CRYL1: variants seen among roughly 807,000 people sequenced by gnomAD.
CRYL1 encodes lambda-crystallin homolog.
In CRYL1, 29 loss-of-function variants were observed where a neutral mutation model predicts 36.6. That is an observed-to-expected ratio of 0.79 (90% CI 0.59 to 1.08). The LOEUF is 1.08. CRYL1 is among the 50% of genes least tolerant of loss of function. The pLI is 0.00. For synonymous variants in CRYL1, 152 were observed against 151.5 expected (o/e 1.00, Z -0.02); for missense variants, 411 against 407.9 (o/e 1.01, Z -0.06).
At chr13:20,502,650 G>A (rs191516918) in intron 2 of CRYL1, among the ~76,000 whole-genome samples, 145 of 151,302 alleles carry the variant, frequency 9.6e-4, no homozygotes, top group Admixed American at 1.3e-3. Flanking sequence ...GCGAGACTCC[G>A]TCTCAAAAAA....
intron 5 of CRYL1, chr13:20,431,280 G>A (rs2032053475): frequency 1.0e-6 from 1 of 985,476 alleles, no homozygotes; most frequent in African/African-American, 1.7e-5. Flanking sequence ...GGAGCCAGGT[G>A]CAGATGACTC....
At chr13:20,404,800 T>C in intron 6 of CRYL1, 59 bp from the exon 7 acceptor site, 1 of 1,205,724 alleles carries the variant, frequency 8.3e-7, no homozygotes, top group East Asian at 2.3e-5. Context: ...TTAGTTATAT[T>C]CAAACTCAGA....
chr13:20,504,302 CT>C (rs757657892), intron 2 of CRYL1, among the ~76,000 whole-genome samples: 1,297 of 128,458 alleles, frequency 0.01, 6 homozygotes, highest in African/African-American at 0.033. Context: ...CTTTTCTTTT[CT>C]TTTTTTTTTT....
intron 3 of CRYL1, among the ~76,000 whole-genome samples, chr13:20,448,549 T>C (rs1445494432): frequency 2.6e-5 from 4 of 152,092 alleles, no homozygotes; most frequent in African/African-American, 4.8e-5. Context: ...AAGAGAAATA[T>C]TGAAAGCAGT....
chr13:20,404,573 G>T, intron 7 of CRYL1, 62 bp downstream of exon 7: 1 of 1,075,340 alleles, frequency 9.3e-7, no homozygotes, highest in Non-Finnish European at 1.4e-6. Context: ...GAGGTGAGGG[G>T]CAGCAAGTGC....
intron 1 of CRYL1, among the ~76,000 whole-genome samples, chr13:20,524,632 C>G (rs561850413): frequency 6.6e-6 from 1 of 152,276 alleles, no homozygotes; most frequent in Admixed American, 6.5e-5. Flanking sequence ...CTGCCTCGGC[C>G]TCCCAACGTG....
chr13:20,462,663 G>A lies in CRYL1; in HGVS notation c.277-22909C>T, dbSNP rs150094834. On this transcript the variant is annotated intron_variant, in intron 3 of 7. Transcript: ENST00000298248. ...ACTGCCTAAATGTAAAGCTCTCATC[G>A]GAAGGGCAGTTTACCTGGAGCCTTA... Among the ~76,000 whole-genome samples the A allele has an allele frequency of 6.9e-3, 1,039 of 151,434 alleles. 14 individuals are homozygous for A. The highest frequency in any genetic ancestry group is 0.023 in the African/African-American group (952 of 41,164).
chr13:20,462,797 T>G (rs1377525579), intron 3 of CRYL1, among the ~76,000 whole-genome samples: 2 of 152,026 alleles, frequency 1.3e-5, no homozygotes, highest in East Asian at 3.9e-4. Context: ...ACCATCCCAC[T>G]GCCTTAATGA....
chr13:20,481,208 T>C lies in CRYL1; in HGVS notation c.276+8162A>G, dbSNP rs2033269604. ...GATCTCGTGAGTGTGTGAGGTGGGC[T>C]TGCCCCAGTCCATCCAGAGTCCCAC... On this transcript the variant is annotated intron_variant, in intron 3 of 7. Transcript: ENST00000298248. The surrounding 1 kb of genome is among the most constrained non-coding windows in gnomAD (Gnocchi z 4.1). Among the ~76,000 whole-genome samples, 1 of 152,204 alleles carries C rather than the reference T, an allele frequency of 6.6e-6. No homozygotes were observed. The highest frequency in any genetic ancestry group is 1.5e-5 in the Non-Finnish European group (1 of 68,046).
intron 5 of CRYL1, among the ~76,000 whole-genome samples, chr13:20,416,554 G>A (rs765199843): frequency 2.0e-5 from 3 of 152,172 alleles, no homozygotes; most frequent in Non-Finnish European, 2.9e-5. Context: ...GCCTGCAGTC[G>A]CTCCCTCACC....
chr13:20,522,469 G>C (rs2034112215), intron 1 of CRYL1, among the ~76,000 whole-genome samples: 1 of 152,050 alleles, frequency 6.6e-6, no homozygotes, highest in African/African-American at 2.4e-5. Flanking sequence ...TGTTTTTCTT[G>C]ATATAAAACA....
At position 20,435,638 on chromosome 13, in the gene CRYL1, AGGTGGACTC is replaced by A. The variant is rs1357046007; in HGVS notation, c.439-3351_439-3343del. Reference sequence around the variant, plus strand: ...CAAACCTTCCATGTGGGAGTGTGCGAGGTGGACTCGGAAACACGCCCCCGAAAGGGTTCG... The same window carrying A: ...CAAACCTTCCATGTGGGAGTGTGCGAGGAAACACGCCCCCGAAAGGGTTCG... On this transcript the variant is annotated intron_variant, in intron 4 of 7. Transcript: ENST00000298248. This position sits in a 1 kb window ranked among gnomAD's most constrained non-coding sequence, Gnocchi z 4.0. 3.3e-5 allele frequency among the ~76,000 whole-genome samples: 5 copies of A among 152,312 alleles called. No individual in the cohort carries two copies. The highest frequency in any genetic ancestry group is 1.2e-4 in the African/African-American group (5 of 41,580).
chr13:20,516,587 C>T (rs868172291), intron 1 of CRYL1, among the ~76,000 whole-genome samples: 3 of 151,976 alleles, frequency 2.0e-5, no homozygotes, highest in Non-Finnish European at 1.5e-5. Flanking sequence ...TCACGCCATT[C>T]TCCTGCCTCA....
intron 3 of CRYL1, among the ~76,000 whole-genome samples, chr13:20,460,152 T>C (rs2032777375): frequency 6.6e-6 from 1 of 152,184 alleles, no homozygotes; most frequent in Non-Finnish European, 1.5e-5. Context: ...GTGCCAATAC[T>C]TAACCATTTC....
At chr13:20,490,299 G>A (rs922214945) in intron 2 of CRYL1, among the ~76,000 whole-genome samples, 1 of 152,180 alleles carries the variant, frequency 6.6e-6, no homozygotes, top group Non-Finnish European at 1.5e-5. Context: ...GGCTGAGGCA[G>A]GAGAATCGCT....
chr13:20,520,828 G>A (rs945659811), intron 1 of CRYL1, among the ~76,000 whole-genome samples: 10 of 152,164 alleles, frequency 6.6e-5, no homozygotes, highest in African/African-American at 2.2e-4. Flanking sequence ...GACCCGGGCC[G>A]GGCACGGTGG....
rs1194299811 is a variant in CRYL1, at chr13:20,415,877, A to G, written c.634-2490T>C. Among the ~76,000 whole-genome samples the G allele has an allele frequency of 6.6e-6, 1 of 152,186 alleles. No homozygotes were observed. On this transcript the variant is annotated intron_variant, in intron 5 of 7. Coordinates refer to ENST00000298248, the MANE Select transcript of CRYL1 (RefSeq NM_015974.3). This position sits in a 1 kb window ranked among gnomAD's most constrained non-coding sequence, Gnocchi z 4.1. ...GTTCTTTCGTGACTTGTCTCTCACCATCCTGTTTCTCAGATTCACCTGCGT... is the reference window on the plus strand; with the variant it reads ...GTTCTTTCGTGACTTGTCTCTCACCGTCCTGTTTCTCAGATTCACCTGCGT...
At chr13:20,474,315 T>C (rs1021477853) in intron 3 of CRYL1, among the ~76,000 whole-genome samples, 5 of 152,176 alleles carry the variant, frequency 3.3e-5, no homozygotes, top group African/African-American at 9.7e-5. Flanking sequence ...AGCAGGCAGC[T>C]CTCACGCCCA....
chr13:20,449,638 G>A (rs569879947), intron 3 of CRYL1, among the ~76,000 whole-genome samples: 1 of 151,496 alleles, frequency 6.6e-6, no homozygotes, highest in African/African-American at 2.4e-5. Flanking sequence ...CATCCAAATA[G>A]GAAAAGAAGT....
Sources: allele counts gnomAD v4.1 joint callset (sites outside exome capture counted in the v4.1 genomes callset), GRCh38; gene constraint gnomAD v4.1.1; non-coding constraint Gnocchi (gnomAD v3.1); transcripts MANE v1.5; gene names NCBI Gene and HGNC (gene_info 2026-07-23, HGNC 2026-07-21).